TRAP1: variants seen among roughly 807,000 people sequenced by gnomAD.
TRAP1 encodes TNF receptor associated protein 1.
A neutral mutation model predicts 89.1 loss-of-function variants in TRAP1; 102 were observed. The observed-to-expected ratio is 1.15, with a 90% confidence interval of 0.98 to 1.35. The LOEUF is 1.35. Ranked by LOEUF, TRAP1 falls within the 40% of genes most tolerant of loss-of-function variation. The pLI is 0.00. For missense variants in TRAP1, 1,256 were observed against 945.3 expected (o/e 1.33, Z -4.31); for synonymous variants, 508 against 388.0 (o/e 1.31, Z -3.64).
Position 3,658,165 on chromosome 16 carries a change from C to A in TRAP1, c.2079G>T (p.Leu693Phe), listed in dbSNP as rs749267971. The change falls in exon 18 of 18, where the codon TTG becomes TTT. Residue 693 changes from leucine (L) to phenylalanine (F), a missense_variant. Transcript: ENST00000246957. ...VDDPRAMVGR[L>F]NELLVKALER... ...CCAGGGCCTTGACAAGCAGCTCATT[C>A]AAGCGGCCCACCATGGCCCTAGGGT... 6.8e-6 allele frequency: 11 copies of A among 1,613,892 alleles called. No homozygotes were observed. Among genetic ancestry groups the A allele is most frequent in the Non-Finnish European group, 8.5e-6 (10 of 1,179,904 alleles).
intron 14 of TRAP1, 197 bp downstream of exon 14, chr16:3,663,227 A>G: frequency 1.4e-6 from 1 of 719,716 alleles, no homozygotes; most frequent in Non-Finnish European, 2.2e-6. Context: ...CCGTGGCAGG[A>G]GCACTGGACA....
intron 1 of TRAP1, among the ~76,000 whole-genome samples, chr16:3,699,624 C>T (rs145865215): frequency 0.017 from 2,231 of 128,134 alleles, 20 homozygotes; most frequent in Middle Eastern, 0.031. Context: ...AGTGAAACTC[C>T]GTCTCAAAAA....
chr16:3,684,478 T>C (rs1032917816), intron 4 of TRAP1, among the ~76,000 whole-genome samples: 14 of 152,152 alleles, frequency 9.2e-5, no homozygotes, highest in African/African-American at 3.4e-4. Context: ...AAGAATAATC[T>C]ATCAATATTA....
Position 3,663,679 on chromosome 16 carries a change from G to A in TRAP1, c.1570-117C>T, listed in dbSNP as rs576073204. The stretch of plus-strand genomic sequence containing the variant: ...CAAGCGGGCCACACTGGGGAACACC[G>A]GGGCAGTTGGGGTTCCTAGGCCTGC... On this transcript the variant is annotated intron_variant, in intron 13 of 17. Coordinates refer to ENST00000246957, the MANE Select transcript of TRAP1 (RefSeq NM_016292.3). 263 of 1,300,744 alleles carry A rather than the reference G, an allele frequency of 2.0e-4. 5 individuals are homozygous for A. The South Asian group carries it at 3.3e-3, about 17-fold the overall frequency. The allele number at this position is 1,300,744 out of a possible 1,614,324, so 80.6% of individuals were successfully genotyped here. A position where few individuals can be genotyped will look rare whatever the true frequency, so the allele number is the denominator to read the frequency against.
chr16:3,674,308 T>C (rs768246700), intron 9 of TRAP1, 31 bp downstream of exon 9: 3 of 1,611,738 alleles, frequency 1.9e-6, no homozygotes, highest in Non-Finnish European at 1.7e-6. Flanking sequence ...AGAGTCACCC[T>C]GAGGGCCGTG....
chr16:3,665,091 T>A (rs1277531788), intron 12 of TRAP1: 6 of 152,476 alleles, frequency 3.9e-5, no homozygotes, highest in African/African-American at 1.4e-4. Context: ...TGGGTCTGCA[T>A]TGATAAGACA....
chr16:3,698,397 G>A (rs1222090269), intron 1 of TRAP1, among the ~76,000 whole-genome samples: 1 of 150,378 alleles, frequency 6.6e-6, no homozygotes, highest in Non-Finnish European at 1.5e-5. Context: ...TGCAAGCTCC[G>A]CCTCCCGGAT....
At chr16:3,679,666 G>T in intron 5 of TRAP1, 53 bp downstream of exon 5, 6 of 1,594,176 alleles carry the variant, frequency 3.8e-6, no homozygotes, top group African/African-American at 2.7e-5. Flanking sequence ...CTACTGGAGG[G>T]ATCCTTGCAC....
At chr16:3,694,494 C>G (rs1230121192) in intron 1 of TRAP1, among the ~76,000 whole-genome samples, 1 of 152,046 alleles carries the variant, frequency 6.6e-6, no homozygotes, top group Non-Finnish European at 1.5e-5. Context: ...CAGGCACGCA[C>G]CACCATGCCT....
In TRAP1 at chr16:3,662,498, G is replaced by A. The variant is rs185343242; in HGVS notation, c.1795-366C>T. Reference sequence around the variant, plus strand: ...TGAGCTAGACAGGTTGGTGGGGGGAGTCTTAGCTCTCTGAAGCCCACCCAA... The same window carrying A: ...TGAGCTAGACAGGTTGGTGGGGGGAATCTTAGCTCTCTGAAGCCCACCCAA... On this transcript the variant is annotated intron_variant, in intron 15 of 17. Coordinates refer to ENST00000246957, the MANE Select transcript of TRAP1 (RefSeq NM_016292.3). The A allele has an allele frequency of 4.5e-3, 2,357 of 522,378 alleles. 11 individuals are homozygous for A. Among genetic ancestry groups the A allele is most frequent in the Non-Finnish European group, 6.2e-3 (1,749 of 281,386 alleles). 32.4% of individuals were successfully genotyped at this position (522,378 alleles called of 1,614,324 possible).
In TRAP1 at chr16:3,664,264, G is replaced by C. The variant is rs367688163; in HGVS notation, c.1569+10C>G. 5 of 1,467,654 alleles carry C rather than the reference G, an allele frequency of 3.4e-6. No homozygotes were observed. Among genetic ancestry groups the C allele is most frequent in the African/African-American group, 1.4e-5 (1 of 70,266 alleles). The allele number at this position is 1,467,654 out of a possible 1,614,324, so 90.9% of individuals were successfully genotyped here. The stretch of plus-strand genomic sequence containing the variant: ...GCCCCCGGAGCCCGCCCCACCCACC[G>C]CTCACCCACCTCTGTGTCTTTCTTC... On this transcript the variant is annotated intron_variant, in intron 13 of 17. Transcript: ENST00000246957.
intron 12 of TRAP1, 54 bp from the exon 13 acceptor site, chr16:3,664,513 G>A: frequency 6.5e-7 from 1 of 1,543,892 alleles, no homozygotes; most frequent in Non-Finnish European, 8.7e-7. Context: ...GCTCAATGTT[G>A]CCCAACTAAC....
intron 9 of TRAP1, 127 bp downstream of exon 9, chr16:3,674,212 C>T (rs2050955143): frequency 1.5e-6 from 2 of 1,309,136 alleles, no homozygotes; most frequent in Non-Finnish European, 2.1e-6. Context: ...TGAGCCACCA[C>T]ACCCAGCACT....
chr16:3,712,482 G>A (rs549917152), intron 1 of TRAP1, among the ~76,000 whole-genome samples: 1 of 151,774 alleles, frequency 6.6e-6, no homozygotes, highest in Admixed American at 6.6e-5. Context: ...TCCCCACCCC[G>A]CAAGCTGCAT....
chr16:3,679,869 C>A lies in TRAP1; in HGVS notation c.472-79G>T, dbSNP rs2051052340. On this transcript the variant is annotated intron_variant, in intron 4 of 17. Coordinates refer to ENST00000246957, the MANE Select transcript of TRAP1 (RefSeq NM_016292.3). ...GAGTGCACCAGCAGTCCCAGGGACTCAAGTGGTGTCAATGACATTGGCCAG... is the reference window on the plus strand; with the variant it reads ...GAGTGCACCAGCAGTCCCAGGGACTAAAGTGGTGTCAATGACATTGGCCAG... 3 of 1,404,364 alleles carry A rather than the reference C, an allele frequency of 2.1e-6. No homozygotes were observed. In the East Asian group the frequency reaches 7.0e-5, roughly 33 times the overall value. 87.0% of individuals were successfully genotyped at this position (1,404,364 alleles called of 1,614,324 possible).
chr16:3,716,133 G>A (rs1048257132), intron 1 of TRAP1, among the ~76,000 whole-genome samples: 4 of 152,324 alleles, frequency 2.6e-5, no homozygotes, highest in East Asian at 3.9e-4. Flanking sequence ...GATTACAGGC[G>A]TGAGCCACCG....
At chr16:3,710,142 T>C (rs1038577425) in intron 1 of TRAP1, among the ~76,000 whole-genome samples, 4 of 152,040 alleles carry the variant, frequency 2.6e-5, no homozygotes, top group Non-Finnish European at 5.9e-5. Context: ...TCCTTGAACA[T>C]AAAGAAAAAG....
At chr16:3,696,492 C>A (rs1402866863) in intron 1 of TRAP1, among the ~76,000 whole-genome samples, 1 of 152,166 alleles carries the variant, frequency 6.6e-6, no homozygotes, top group East Asian at 1.9e-4. Context: ...AATGAATAAA[C>A]ACAAGGAATG....
chr16:3,661,669 C>T (rs1413313910), intron 16 of TRAP1: 1 of 301,976 alleles, frequency 3.3e-6, no homozygotes, highest in African/African-American at 2.1e-5. Flanking sequence ...ACACCAAGAT[C>T]CACGTACAAA....
Sources: gnomAD v4.1 joint callset for allele counts (sites outside exome capture counted in the v4.1 genomes callset) on GRCh38, gnomAD v4.1.1 for gene constraint, MANE v1.5 for transcripts, NCBI Gene and HGNC (gene_info 2026-07-23, HGNC 2026-07-21) for gene names.